The following DMD variants were observed in gnomAD, a reference collection of about 807,000 sequenced individuals.
DMD encodes mutant dystrophin.
Under a neutral mutation model 330.1 loss-of-function variants are expected in DMD, and 63 were observed. The ratio of observed to expected loss-of-function variants is 0.19; its 90% CI spans 0.16 to 0.24. The LOEUF (loss-of-function observed/expected upper bound fraction) is 0.24, where lower values mean the gene tolerates loss of function less well. Ranked by LOEUF, DMD falls within the 10% of genes least tolerant of loss-of-function variation. The pLI, the probability that DMD is intolerant of heterozygous loss-of-function variation, is 1.00. For synonymous variants in DMD, 1,223 were observed against 959.8 expected (o/e 1.27, Z -5.07); for missense variants, 3,344 against 2,684.1 (o/e 1.25, Z -5.43).
intron 55 of DMD, among the ~76,000 whole-genome samples, chrX:31,607,658 C>T (rs1313805493): frequency 8.9e-6 from 1 of 112,197 alleles, no homozygotes; most frequent in Non-Finnish European, 1.9e-5. Context: ...TAATGTTATT[C>T]TCTTGTGCCA....
chrX:31,120,798 C>CTGAT lies in DMD; in HGVS notation c.*1117_*1120dup, dbSNP rs771473362. ...GATGTTCACAAGGTCAGAATACCTT[C>CTGAT]TGATTGATTTCCACTGAAGCATCAT... is the stretch of plus-strand genomic sequence containing the variant. On this transcript the variant is annotated 3_prime_UTR_variant, in exon 79 of 79. Transcript: ENST00000357033. 2.7e-4 allele frequency: 30 copies of CTGAT among 110,661 alleles called. No homozygotes were observed. Among genetic ancestry groups the CTGAT allele is most frequent in the Admixed American group, 9.7e-4 (10 of 10,274 alleles). 9.1% of individuals were successfully genotyped at this position (110,661 alleles called of 1,213,427 possible).
Position 31,912,183 on chromosome X carries a change from C to T in DMD, c.6912+17413G>A, listed in dbSNP as rs887388414. On this transcript the variant is annotated intron_variant, in intron 47 of 78. Transcript: ENST00000357033. ...TGACCCACTACCGCTTTCTGAATCC[C>T]GGCGAAACCACTACATTTGAGAAGT... is the stretch of plus-strand genomic sequence containing the variant. Among the ~76,000 whole-genome samples the T allele has an allele frequency of 7.2e-5, 8 of 110,893 alleles. 1 individual carries two copies. Among genetic ancestry groups the T allele is most frequent in the Admixed American group, 4.8e-4 (5 of 10,381 alleles).
At chrX:33,020,079 A>T in intron 2 of DMD, 60 bp downstream of exon 2, 2 of 919,220 alleles carry the variant, frequency 2.2e-6, no homozygotes, top group Non-Finnish European at 3.1e-6. Flanking sequence ...ACAGGTACAT[A>T]GTCCATTTTG....
chrX:33,260,919 GAA>G (rs1442892392), intron 1 of DMD, among the ~76,000 whole-genome samples: 1 of 111,121 alleles, frequency 9.0e-6, no homozygotes, highest in Non-Finnish European at 1.9e-5. Flanking sequence ...CTAGTTTCCA[GAA>G]GTATGATCAA....
At chrX:32,083,508 C>T (rs1372323365) in intron 44 of DMD, among the ~76,000 whole-genome samples, 2 of 111,252 alleles carry the variant, frequency 1.8e-5, no homozygotes, top group African/African-American at 6.5e-5. Flanking sequence ...CCGCCTGCCT[C>T]GGCCTCCCAA....
chrX:31,999,069 G>C (rs942808668), intron 44 of DMD, among the ~76,000 whole-genome samples: 1 of 111,661 alleles, frequency 9.0e-6, no homozygotes, highest in Non-Finnish European at 1.9e-5. Context: ...AATTTAAAAC[G>C]TCAAGTCAAT....
rs189048350 is a variant in DMD at position 32,571,518 on chromosome X, A to G, written c.1812+2012T>C. On this transcript the variant is annotated intron_variant, in intron 15 of 78. Coordinates refer to ENST00000357033, the MANE Select transcript of DMD (RefSeq NM_004006.3). Reference sequence around the variant, plus strand: ...CCTTGATTGTAGACATTCCTCCCTGAAATCTATTCGTTTCACTTAATGTGT... The same window carrying G: ...CCTTGATTGTAGACATTCCTCCCTGGAATCTATTCGTTTCACTTAATGTGT... 3.3e-3 allele frequency among the ~76,000 whole-genome samples: 371 copies of G among 111,401 alleles called. 1 individual carries two copies. Among genetic ancestry groups the G allele is most frequent in the African/African-American group, 0.011 (344 of 30,710 alleles).
intron 7 of DMD, among the ~76,000 whole-genome samples, chrX:32,804,491 A>C (rs1218656583): frequency 2.7e-5 from 3 of 112,221 alleles, no homozygotes; most frequent in Non-Finnish European, 5.6e-5. Flanking sequence ...CTTACAGATA[A>C]AACTCCCATC....
At chrX:31,809,639 C>T (rs1754329015) in intron 50 of DMD, among the ~76,000 whole-genome samples, 2 of 110,446 alleles carry the variant, frequency 1.8e-5, no homozygotes, top group Non-Finnish European at 3.8e-5. Flanking sequence ...AAGGAATAAA[C>T]CTTATGAATT....
intron 44 of DMD, among the ~76,000 whole-genome samples, chrX:32,024,321 C>T (rs1333638291): frequency 9.2e-6 from 1 of 109,182 alleles, no homozygotes; most frequent in African/African-American, 3.4e-5. Context: ...CCTGTCTCTA[C>T]TGAAAACACA....
chrX:32,604,057 C>A (rs2056460247), intron 12 of DMD, among the ~76,000 whole-genome samples: 1 of 110,634 alleles, frequency 9.0e-6, no homozygotes, highest in Admixed American at 9.7e-5. Context: ...AAGGAAACCA[C>A]AGGCCAATAT....
At chrX:32,913,267 G>A (rs1313957434) in intron 2 of DMD, among the ~76,000 whole-genome samples, 1 of 111,727 alleles carries the variant, frequency 9.0e-6, no homozygotes, top group Non-Finnish European at 1.9e-5. Context: ...CTGCCGAAGG[G>A]CTCTATTATA....
chrX:32,380,570 T>G lies in DMD; in HGVS notation c.4785A>C (p.Thr1595=), dbSNP rs983181112. Residue 1595 remains threonine, a synonymous_variant, in exon 34 of 79, where the codon ACA becomes ACC. Coordinates refer to ENST00000357033, the MANE Select transcript of DMD (RefSeq NM_004006.3). ...EWLAATDMEL[T]KRSAVEGMPS... The stretch of plus-strand genomic sequence containing the variant: ...GCATTCCTTCAACTGCTGATCTCTT[T>G]GTCAATTCCATATCTGTAGCTGCCA... 5 of 1,208,978 alleles carry G rather than the reference T, an allele frequency of 4.1e-6. No homozygotes were observed. The highest frequency in any genetic ancestry group is 5.6e-6 in the Non-Finnish European group (5 of 894,662).
intron 9 of DMD, among the ~76,000 whole-genome samples, chrX:32,664,791 G>A (rs1375521811): frequency 3.6e-5 from 4 of 111,721 alleles, no homozygotes; most frequent in African/African-American, 1.3e-4. Context: ...CTGAGCTGGG[G>A]GTAAACATTG....
intron 1 of DMD, among the ~76,000 whole-genome samples, chrX:33,329,980 A>C (rs1013316247): frequency 2.1e-4 from 23 of 111,481 alleles, no homozygotes; most frequent in Non-Finnish European, 3.6e-4. Flanking sequence ...TTACTAATGA[A>C]TGTTGGGAGG....
chrX:31,670,911 C>G (rs1389061581), intron 53 of DMD, among the ~76,000 whole-genome samples: 1 of 106,926 alleles, frequency 9.4e-6, no homozygotes, highest in Non-Finnish European at 1.9e-5. Flanking sequence ...TCCACAAAAC[C>G]TTCTTTTTTT....
intron 62 of DMD, among the ~76,000 whole-genome samples, chrX:31,293,204 AGTGT>A (rs559104990): frequency 0.058 from 3,347 of 58,089 alleles, 118 homozygotes; most frequent in African/African-American, 0.1. Flanking sequence ...AGTCTGGTTT[AGTGT>A]GTGTGTGTGT....
chrX:32,962,734 A>ACTTGATTCC (rs1312823655), intron 2 of DMD, among the ~76,000 whole-genome samples: 3 of 112,135 alleles, frequency 2.7e-5, no homozygotes, highest in Non-Finnish European at 5.6e-5. Flanking sequence ...TGGCTTAATA[A>ACTTGATTCC]TATATAGGAT....
At chrX:33,062,570 G>A (rs937707605) in intron 1 of DMD, among the ~76,000 whole-genome samples, 3 of 111,991 alleles carry the variant, frequency 2.7e-5, no homozygotes, top group Admixed American at 1.9e-4. Flanking sequence ...TCCACCTCCC[G>A]AGTTCAAGCA....
Sources: gnomAD v4.1 joint callset for allele counts (sites outside exome capture counted in the v4.1 genomes callset) on GRCh38, gnomAD v4.1.1 for gene constraint, MANE v1.5 for transcripts, NCBI Gene and HGNC (gene_info 2026-07-23, HGNC 2026-07-21) for gene names.